Variants in SPAST observed in about 807,000 individuals in gnomAD.
SPAST encodes spastin.
In SPAST, 30 loss-of-function variants were observed where a neutral mutation model predicts 76.6. That is an observed-to-expected ratio of 0.39 (90% CI 0.29 to 0.53). The LOEUF is 0.53. Among genes scored for constraint, SPAST ranks in the 20% least tolerant of loss-of-function variants. The pLI, the probability that SPAST is intolerant of heterozygous loss-of-function variation, is 0.68. For missense variants in SPAST, 717 were observed against 770.5 expected (o/e 0.93, Z 0.82); for synonymous variants, 305 against 281.0 (o/e 1.09, Z -0.86).
At chr2:32,083,774 A>ATTTTTTTTTTTTTTTT (rs1333329179) in intron 1 of SPAST, among the ~76,000 whole-genome samples, 4 of 54,386 alleles carry the variant, frequency 7.4e-5, no homozygotes, top group Non-Finnish European at 1.0e-4. Flanking sequence ...ATATATATAT[A>ATTTTTTTTTTTTTTTT]TATTTTTTTT....
chr2:32,135,632 T>C (rs1467656935), intron 9 of SPAST, among the ~76,000 whole-genome samples: 1 of 152,090 alleles, frequency 6.6e-6, no homozygotes, highest in Non-Finnish European at 1.5e-5. Flanking sequence ...GGGTGTTCAT[T>C]GACCTTCTGG....
chr2:32,144,411 G>A (rs1323224603), intron 14 of SPAST, among the ~76,000 whole-genome samples: 1 of 152,174 alleles, frequency 6.6e-6, no homozygotes, highest in Non-Finnish European at 1.5e-5. Context: ...GAGATAGTAT[G>A]CCTTAATCTA....
chr2:32,115,705 A>G lies in SPAST; in HGVS notation c.874A>G (p.Thr292Ala), dbSNP rs1678802240. The G allele has an allele frequency of 1.9e-6, 3 of 1,604,956 alleles. No homozygotes were observed. Among genetic ancestry groups the G allele is most frequent in the Non-Finnish European group, 2.6e-6 (3 of 1,172,800 alleles). Reference protein sequence around the residue: ...SGPAPTTHKGTPKTNRTNKPS... With the variant: ...SGPAPTTHKGAPKTNRTNKPS... ...TTAAAATTTTGTATCCTTTAAGGGT[A>G]CTCCGAAAACAAATAGGACAAATAA... Residue 292 changes from threonine (T) to alanine (A), a missense_variant, in exon 6 of 17, where the codon ACT becomes GCT. Around this residue, in one of 3 missense-constraint regions of SPAST, gnomAD observed 543 missense variants for 445.2 expected, o/e 1.22. Coordinates refer to ENST00000315285, the MANE Select transcript of SPAST (RefSeq NM_014946.4).
At chr2:32,098,308 A>G (rs540490428) in intron 3 of SPAST, among the ~76,000 whole-genome samples, 2 of 152,242 alleles carry the variant, frequency 1.3e-5, no homozygotes, top group South Asian at 4.1e-4. Flanking sequence ...TCTACAAAAA[A>G]TAAATTAGCT....
At chr2:32,112,263 AT>A (rs1240859119) in intron 4 of SPAST, among the ~76,000 whole-genome samples, 2 of 151,050 alleles carry the variant, frequency 1.3e-5, no homozygotes, top group Middle Eastern at 6.4e-3. Flanking sequence ...TTAAGTTATT[AT>A]TGACTATTGA....
chr2:32,144,915 G>A (rs751126804), intron 14 of SPAST, 22 bp from the exon 15 acceptor site: 5 of 1,594,542 alleles, frequency 3.1e-6, no homozygotes, highest in Admixed American at 1.7e-5. Flanking sequence ...ATAATTTGCT[G>A]TTTCTTCCTT....
intron 3 of SPAST, among the ~76,000 whole-genome samples, chr2:32,091,245 C>CTGCTAT (rs1677701777): frequency 7.9e-6 from 1 of 126,910 alleles, no homozygotes; most frequent in African/African-American, 2.9e-5. Flanking sequence ...TAATATGAAG[C>CTGCTAT]TATTATTATT....
In SPAST at chr2:32,077,463, C is replaced by T. The variant is rs75503712; in HGVS notation, c.416-10029C>T. Among the ~76,000 whole-genome samples, 569 of 152,278 alleles carry T rather than the reference C, an allele frequency of 3.7e-3. 5 individuals are homozygous for T. Among genetic ancestry groups the T allele is most frequent in the African/African-American group, 0.013 (560 of 41,556 alleles). On this transcript the variant is annotated intron_variant, in intron 1 of 16. Coordinates refer to ENST00000315285, the MANE Select transcript of SPAST (RefSeq NM_014946.4). Reference sequence around the variant, plus strand: ...GTAGTGTTTCCATACCACTTTATTACTTAAAGTATCATCATATACCCTATT... The same window carrying T: ...GTAGTGTTTCCATACCACTTTATTATTTAAAGTATCATCATATACCCTATT...
intron 1 of SPAST, among the ~76,000 whole-genome samples, chr2:32,070,410 T>A (rs148947504): frequency 6.6e-6 from 1 of 152,276 alleles, no homozygotes; most frequent in African/African-American, 2.4e-5. Context: ...GGCCTTAATT[T>A]ATCTGAAACC....
At chr2:32,090,392 A>G (rs1031849998) in intron 3 of SPAST, among the ~76,000 whole-genome samples, 14 of 152,128 alleles carry the variant, frequency 9.2e-5, no homozygotes, top group Non-Finnish European at 1.5e-4. Context: ...ACTTCTTATT[A>G]TTTTGAAACA....
chr2:32,071,513 C>G (rs1272114959), intron 1 of SPAST, among the ~76,000 whole-genome samples: 1 of 152,132 alleles, frequency 6.6e-6, no homozygotes, highest in East Asian at 1.9e-4. Context: ...TGACCAGTGG[C>G]CCATGACACA....
chr2:32,126,132 T>TA (rs1363354937), intron 7 of SPAST, among the ~76,000 whole-genome samples: 1 of 152,130 alleles, frequency 6.6e-6, no homozygotes, highest in African/African-American at 2.4e-5. Flanking sequence ...CTGCCTGCCT[T>TA]ACTACTGCTT....
chr2:32,112,346 C>CTTT (rs11434154), intron 4 of SPAST, among the ~76,000 whole-genome samples: 17 of 132,940 alleles, frequency 1.3e-4, no homozygotes, highest in African/African-American at 3.9e-4. Context: ...CTGAATGTGG[C>CTTT]TTTTTTTTTT....
chr2:32,102,494 T>G (rs1261613091), intron 4 of SPAST, among the ~76,000 whole-genome samples: 2 of 152,210 alleles, frequency 1.3e-5, no homozygotes, highest in Admixed American at 1.3e-4. Context: ...TGGCCAGAAC[T>G]TCCAACACTA....
intron 1 of SPAST, among the ~76,000 whole-genome samples, chr2:32,085,659 G>A (rs1208449486): frequency 6.6e-6 from 1 of 152,078 alleles, no homozygotes; most frequent in African/African-American, 2.4e-5. Context: ...TTATTTTCAG[G>A]GTGAAGAAAC....
intron 16 of SPAST, among the ~76,000 whole-genome samples, chr2:32,154,038 T>C: frequency 6.6e-6 from 1 of 152,210 alleles, no homozygotes; most frequent in Admixed American, 6.5e-5. Flanking sequence ...GGTGAAATTG[T>C]GATTCTTTTT....
chr2:32,146,851 C>CAAAAAAAAA (rs397984237), intron 15 of SPAST, among the ~76,000 whole-genome samples: 2 of 19,222 alleles, frequency 1.0e-4, no homozygotes, highest in African/African-American at 1.5e-4. Flanking sequence ...GACTCTGTCT[C>CAAAAAAAAA]AAAAAAAAAA....
intron 1 of SPAST, among the ~76,000 whole-genome samples, chr2:32,068,574 T>C (rs1676620219): frequency 6.6e-6 from 1 of 152,124 alleles, no homozygotes; most frequent in Non-Finnish European, 1.5e-5. Flanking sequence ...TCCACTCGCC[T>C]TGGCCTCACA....
chr2:32,120,654 C>T (rs1678988721), intron 7 of SPAST, among the ~76,000 whole-genome samples: 1 of 151,150 alleles, frequency 6.6e-6, no homozygotes, highest in African/African-American at 2.4e-5. Flanking sequence ...CTTTCCATGC[C>T]TGTGTCAAAG....
Sources: gnomAD v4.1 joint callset for allele counts (sites outside exome capture counted in the v4.1 genomes callset) on GRCh38, gnomAD v4.1.1 for gene constraint, gnomAD v4.1.1 regional missense constraint, MANE v1.5 for transcripts, NCBI Gene and HGNC (gene_info 2026-07-23, HGNC 2026-07-21) for gene names.